The following NAALADL2 variants were observed in gnomAD, a reference collection of about 807,000 sequenced individuals.
The protein encoded by NAALADL2 is inactive N-acetylated-alpha-linked acidic dipeptidase-like protein 2.
A neutral mutation model predicts 87.2 loss-of-function variants in NAALADL2; 76 were observed. The observed-to-expected ratio is 0.87, with a 90% CI of 0.72 to 1.05. The LOEUF is 1.05. Ranked by LOEUF, NAALADL2 falls within the 50% of genes least tolerant of loss-of-function variation. The pLI is 0.00. For missense variants in NAALADL2, 1,089 were observed against 945.8 expected (o/e 1.15, Z -1.99); for synonymous variants, 354 against 331.0 (o/e 1.07, Z -0.75).
chr3:175,240,783 G>C (rs1020531825), intron 3 of NAALADL2, among the ~76,000 whole-genome samples: 1 of 152,170 alleles, frequency 6.6e-6, no homozygotes, highest in African/African-American at 2.4e-5. Flanking sequence ...AGCCTCCCGA[G>C]TAGCTGGGAT....
At chr3:175,178,551 C>T (rs936414422) in intron 2 of NAALADL2, among the ~76,000 whole-genome samples, 11 of 151,964 alleles carry the variant, frequency 7.2e-5, no homozygotes. Flanking sequence ...CCAGGACACT[C>T]ACAAGAAATG....
chr3:174,723,755 CAAAAAAAAAAAAAAA>C (rs10663395), intron 2 of NAALADL2, among the ~76,000 whole-genome samples: 5 of 27,554 alleles, frequency 1.8e-4, no homozygotes, highest in Admixed American at 7.9e-4. Context: ...GACTCCGTCT[CAAAAAAAAAAAAAAA>C]AAAAAAAAAA....
At chr3:174,656,652 T>G (rs1724962749) in intron 2 of NAALADL2, among the ~76,000 whole-genome samples, 1 of 152,174 alleles carries the variant, frequency 6.6e-6, no homozygotes, top group Non-Finnish European at 1.5e-5. Flanking sequence ...GAAAAGCAGG[T>G]CAATATGGTC....
chr3:174,709,210 T>C (rs968274551), intron 2 of NAALADL2, among the ~76,000 whole-genome samples: 2 of 151,990 alleles, frequency 1.3e-5, no homozygotes, highest in African/African-American at 2.4e-5. Context: ...AAAAGAAAAA[T>C]ACAAACTTGC....
At chr3:175,759,638 G>C (rs1471867339) in intron 13 of NAALADL2, among the ~76,000 whole-genome samples, 1 of 152,168 alleles carries the variant, frequency 6.6e-6, no homozygotes, top group Non-Finnish European at 1.5e-5. Context: ...TTACAGGCGT[G>C]AGCCACCATG....
intron 1 of NAALADL2, among the ~76,000 whole-genome samples, chr3:175,026,655 C>CAA (rs11333456): frequency 7.0e-6 from 1 of 143,232 alleles, no homozygotes; most frequent in South Asian, 2.2e-4. Flanking sequence ...AACTCTGTCT[C>CAA]AAAAAAAAAA....
intron 3 of NAALADL2, among the ~76,000 whole-genome samples, chr3:174,846,218 C>G (rs1291188064): frequency 6.6e-6 from 1 of 152,170 alleles, no homozygotes; most frequent in Non-Finnish European, 1.5e-5. Flanking sequence ...GATAGTGTGG[C>G]CAAGGCAGAA....
intron 2 of NAALADL2, among the ~76,000 whole-genome samples, chr3:174,708,778 AG>A (rs763113774): frequency 2.2e-4 from 33 of 152,286 alleles, no homozygotes; most frequent in Admixed American, 1.3e-3. Context: ...GTTTAGACCT[AG>A]GAATTTAAAG....
chr3:175,371,358 C>G (rs1279770407), intron 5 of NAALADL2, among the ~76,000 whole-genome samples: 2 of 152,004 alleles, frequency 1.3e-5, no homozygotes, highest in Non-Finnish European at 2.9e-5. Flanking sequence ...AGCTCCGCCC[C>G]CCGGGTTCTC....
intron 9 of NAALADL2, among the ~76,000 whole-genome samples, chr3:175,536,285 T>A (rs1365254874): frequency 6.6e-6 from 1 of 152,244 alleles, no homozygotes; most frequent in East Asian, 1.9e-4. Flanking sequence ...TATGTTGGAA[T>A]TGAAAGGGCT....
At chr3:175,600,654 C>G (rs976010863) in intron 10 of NAALADL2, among the ~76,000 whole-genome samples, 2 of 149,382 alleles carry the variant, frequency 1.3e-5, no homozygotes, top group African/African-American at 4.9e-5. Context: ...TCTCCTGCCT[C>G]AGCCTCCCGA....
At chr3:175,736,786 C>A (rs908678221) in intron 11 of NAALADL2, among the ~76,000 whole-genome samples, 3 of 152,300 alleles carry the variant, frequency 2.0e-5, no homozygotes, top group African/African-American at 7.2e-5. Flanking sequence ...TACTCAGTGA[C>A]AGGATGTTAC....
intron 12 of NAALADL2, among the ~76,000 whole-genome samples, chr3:175,752,374 C>T (rs1203781357): frequency 2.0e-5 from 3 of 152,090 alleles, no homozygotes; most frequent in Non-Finnish European, 2.9e-5. Context: ...TCTCCCTTCA[C>T]AGAACTGATA....
At chr3:174,840,115 T>C (rs1297541252) in intron 3 of NAALADL2, among the ~76,000 whole-genome samples, 1 of 151,612 alleles carries the variant, frequency 6.6e-6, no homozygotes, top group Non-Finnish European at 1.5e-5. Context: ...TGCCCATCAA[T>C]CAACGAGTGG....
intron 1 of NAALADL2, among the ~76,000 whole-genome samples, chr3:175,069,119 A>C (rs568829212): frequency 1.9e-4 from 28 of 151,204 alleles, no homozygotes; most frequent in African/African-American, 6.4e-4. Flanking sequence ...TTCATGTCTC[A>C]AACACCAAAA....
chr3:175,011,240 G>A (rs1213725221), intron 1 of NAALADL2, among the ~76,000 whole-genome samples: 2 of 142,612 alleles, frequency 1.4e-5, no homozygotes, highest in African/African-American at 2.9e-5. Context: ...GCCACAGAGA[G>A]AGGGAGAGAG....
At chr3:174,930,209 A>G (rs1418198256) in intron 1 of NAALADL2, among the ~76,000 whole-genome samples, 3 of 152,186 alleles carry the variant, frequency 2.0e-5, no homozygotes, top group Non-Finnish European at 4.4e-5. Context: ...TTCATGGGCA[A>G]GGTCAGTTTG....
intron 3 of NAALADL2, among the ~76,000 whole-genome samples, chr3:174,818,558 A>C (rs1045338392): frequency 2.0e-5 from 3 of 152,220 alleles, no homozygotes; most frequent in Non-Finnish European, 4.4e-5. Context: ...AACACATACC[A>C]GGAAACTGTG....
chr3:175,113,756 AT>A (rs1007534609), intron 2 of NAALADL2, among the ~76,000 whole-genome samples: 6 of 151,324 alleles, frequency 4.0e-5, no homozygotes, highest in Non-Finnish European at 7.4e-5. Context: ...AGGATCCCCA[AT>A]TTTTTTTATG....
Sources: gnomAD v4.1 joint callset for allele counts (sites outside exome capture counted in the v4.1 genomes callset) on GRCh38, gnomAD v4.1.1 for gene constraint, MANE v1.5 for transcripts, NCBI Gene and HGNC (gene_info 2026-07-23, HGNC 2026-07-21) for gene names.